The following NCALD variants were observed in gnomAD, a reference collection of about 807,000 sequenced individuals.
The protein encoded by NCALD is neurocalcin delta.
Under a neutral mutation model 18.6 loss-of-function variants are expected in NCALD, and 10 were observed. The observed-to-expected ratio is 0.54, with a 90% CI of 0.33 to 0.91. NCALD has a LOEUF of 0.91. Ranked by LOEUF, NCALD falls within the 40% of genes least tolerant of loss-of-function variation. The probability of loss-of-function intolerance (pLI) is 0.03; values close to 1 mark genes in which losing one functional copy is unlikely to be tolerated. For synonymous variants in NCALD, 88 were observed against 87.4 expected, an observed-to-expected ratio of 1.01 and a Z score of -0.04; for missense variants, 184 against 247.6, an observed-to-expected ratio of 0.74 and a Z score of 1.72.
At chr8:101,908,878 A>C (rs1817696773) in intron 3 of NCALD, among the ~76,000 whole-genome samples, 1 of 152,194 alleles carries the variant, frequency 6.6e-6, no homozygotes, top group Non-Finnish European at 1.5e-5. Flanking sequence ...ACTAGGCCCC[A>C]ACAGACCAGA....
intron 2 of NCALD, among the ~76,000 whole-genome samples, chr8:101,980,289 C>T (rs77548635): frequency 0.025 from 3,760 of 152,244 alleles, 54 homozygotes; most frequent in South Asian, 0.042. Context: ...ACAGTTATGC[C>T]ATGTCTTCTG....
intron 1 of NCALD, among the ~76,000 whole-genome samples, chr8:101,732,178 T>A (rs1816862628): frequency 6.6e-6 from 1 of 152,232 alleles, no homozygotes; most frequent in African/African-American, 2.4e-5. Context: ...AATGTCCGCT[T>A]AACTAGGGTA....
At chr8:101,960,659 T>C (rs998931660) in intron 2 of NCALD, among the ~76,000 whole-genome samples, 4 of 152,124 alleles carry the variant, frequency 2.6e-5, no homozygotes, top group Non-Finnish European at 5.9e-5. Context: ...GAGGAAGTGA[T>C]AGAAAAGGAA....
intron 1 of NCALD, among the ~76,000 whole-genome samples, chr8:102,106,258 G>T (rs7002572): frequency 0.17 from 26,236 of 151,250 alleles, 2,490 homozygotes; most frequent in African/African-American, 0.24. Flanking sequence ...TTTTTAGTAG[G>T]GGGGGTGGTT....
At chr8:102,042,718 G>A (rs1198939231) in intron 1 of NCALD, among the ~76,000 whole-genome samples, 1 of 108,556 alleles carries the variant, frequency 9.2e-6, no homozygotes, top group Non-Finnish European at 2.0e-5. Flanking sequence ...AGTGAAGACA[G>A]AGGGCACATT....
chr8:101,892,818 G>T (rs1434176774), intron 3 of NCALD, among the ~76,000 whole-genome samples: 1 of 149,510 alleles, frequency 6.7e-6, no homozygotes, highest in Non-Finnish European at 1.5e-5. Flanking sequence ...AGAGAAAAAA[G>T]AATACAAAGA....
intron 1 of NCALD, among the ~76,000 whole-genome samples, chr8:102,059,020 G>A (rs1300624560): frequency 2.0e-5 from 3 of 152,200 alleles, no homozygotes; most frequent in Non-Finnish European, 2.9e-5. Context: ...AGAAAGAAAT[G>A]CACTCTGCCA....
chr8:101,975,955 G>C (rs1223195458), intron 2 of NCALD, among the ~76,000 whole-genome samples: 1 of 152,144 alleles, frequency 6.6e-6, no homozygotes, highest in Non-Finnish European at 1.5e-5. Flanking sequence ...ACTGCTGGTT[G>C]GGTTGTACTC....
At position 101,778,666 on chromosome 8, in the gene NCALD, G is replaced by A. The variant is rs138560424; in HGVS notation, c.-20+12196C>T. ...TCCTCTGAATGCACATAAAAGGGAA[G>A]AAAGAAAATATGGGAAAAAAGTTAA... On this transcript the variant is annotated intron_variant, in intron 1 of 3. Coordinates refer to ENST00000220931, the MANE Select transcript of NCALD (RefSeq NM_032041.3). 5.7e-3 allele frequency among the ~76,000 whole-genome samples: 864 copies of A among 152,100 alleles called. 11 individuals carry two copies. The highest frequency in any genetic ancestry group is 0.018 in the African/African-American group (758 of 41,538).
chr8:101,839,434 C>T (rs1200870535), intron 4 of NCALD, among the ~76,000 whole-genome samples: 1 of 152,124 alleles, frequency 6.6e-6, no homozygotes, highest in African/African-American at 2.4e-5. Context: ...AGAGGTTTGG[C>T]TTTCAGTGGT....
At chr8:101,936,669 G>A (rs547079155) in intron 2 of NCALD, among the ~76,000 whole-genome samples, 2 of 152,276 alleles carry the variant, frequency 1.3e-5, no homozygotes, top group African/African-American at 4.8e-5. Flanking sequence ...CTCTGATGGT[G>A]AGGTCTGGAC....
At chr8:101,971,107 T>C (rs1248391109) in intron 2 of NCALD, among the ~76,000 whole-genome samples, 3 of 152,160 alleles carry the variant, frequency 2.0e-5, no homozygotes, top group African/African-American at 2.4e-5. Context: ...GCTGGAACCA[T>C]ACCCTGGGAC....
intron 3 of NCALD, among the ~76,000 whole-genome samples, chr8:101,908,884 C>A (rs574173670): frequency 1.2e-3 from 181 of 152,254 alleles, no homozygotes; most frequent in Non-Finnish European, 1.9e-3. Flanking sequence ...CCCCAACAGA[C>A]CAGACCAAAT....
chr8:101,830,438 G>A (rs1814130235), intron 4 of NCALD, among the ~76,000 whole-genome samples: 1 of 151,946 alleles, frequency 6.6e-6, no homozygotes, highest in African/African-American at 2.4e-5. Context: ...GTGCATGCCT[G>A]TCATCCCAGC....
chr8:101,782,959 C>A (rs1370637251), intron 1 of NCALD, among the ~76,000 whole-genome samples: 5 of 152,140 alleles, frequency 3.3e-5, no homozygotes, highest in African/African-American at 9.7e-5. Context: ...ACTGGCTGGT[C>A]CTATATTACT....
chr8:101,955,509 G>T (rs1250201859), intron 2 of NCALD, among the ~76,000 whole-genome samples: 1 of 152,126 alleles, frequency 6.6e-6, no homozygotes, highest in East Asian at 1.9e-4. Context: ...TTACCCATTT[G>T]CTCATTTTGC....
intron 2 of NCALD, among the ~76,000 whole-genome samples, chr8:101,960,467 T>C (rs1819796162): frequency 6.6e-6 from 1 of 152,140 alleles, no homozygotes; most frequent in African/African-American, 2.4e-5. Context: ...CATTACTGTT[T>C]TACAAGTAGG....
intron 2 of NCALD, among the ~76,000 whole-genome samples, chr8:101,987,304 A>AT (rs1820850423): frequency 6.6e-6 from 1 of 152,150 alleles, no homozygotes; most frequent in African/African-American, 2.4e-5. Flanking sequence ...TTTAAAGCCA[A>AT]TTTTTCCTGT....
At position 101,874,930 on chromosome 8, in the gene NCALD, A is replaced by G. The variant is rs375265311; in HGVS notation, c.-20+12211T>C. 3.3e-5 allele frequency among the ~76,000 whole-genome samples: 5 copies of G among 152,336 alleles called. No individual in the cohort carries two copies. The East Asian group carries it at 5.8e-4, about 18-fold the overall frequency. The stretch of plus-strand genomic sequence containing the variant: ...CCAGAAAGAGAAAGGAGAGGAATCA[A>G]TGGAAACAATGATTCTCCTACAAAG... On this transcript the variant is annotated intron_variant, in intron 4 of 6. Coordinates refer to the NCALD transcript ENST00000311028.
Sources: allele counts gnomAD v4.1 joint callset (sites outside exome capture counted in the v4.1 genomes callset), GRCh38; gene constraint gnomAD v4.1.1; transcripts MANE v1.5; gene names NCBI Gene and HGNC (gene_info 2026-07-23, HGNC 2026-07-21).